Variants in TUBB6 observed in about 807,000 individuals in gnomAD.
The protein encoded by TUBB6 is tubulin beta 6 class V.
A neutral mutation model predicts 32.3 loss-of-function variants in TUBB6; 18 were observed. That is an observed-to-expected ratio of 0.56 (90% CI 0.39 to 0.83). The LOEUF (loss-of-function observed/expected upper bound fraction) is 0.83, where lower values mean the gene tolerates loss of function less well. Ranked by LOEUF, TUBB6 falls within the 40% of genes least tolerant of loss-of-function variation. The probability of loss-of-function intolerance (pLI) is 0.00; values close to 1 mark genes in which losing one functional copy is unlikely to be tolerated. For missense variants in TUBB6, 480 were observed against 632.0 expected (o/e 0.76, Z 2.58); for synonymous variants, 280 against 265.8 (o/e 1.05, Z -0.52).
chr18:12,308,637 C>A, intron 1 of TUBB6, 50 bp from the exon 2 acceptor site: 1 of 1,364,010 alleles, frequency 7.3e-7, no homozygotes, highest in South Asian at 1.2e-5. Context: ...GTGGCGGCGT[C>A]CCGGGCTCTG....
chr18:12,308,727 C>A lies in TUBB6; in HGVS notation c.98C>A (p.Ala33Asp). Reference protein sequence around the residue: ...VISDEHGIDPAGGYVGDSALQ... With the variant: ...VISDEHGIDPDGGYVGDSALQ... The stretch of plus-strand genomic sequence containing the variant: ...AGCGATGAGCACGGCATCGACCCGG[C>A]CGGAGGCTACGTGGGAGACTCGGCG... Residue 33 changes from alanine to aspartate, a missense_variant, in exon 2 of 4, where the codon GCC (alanine) becomes GAC (aspartate). Ala to Asp is a moderately radical substitution (Grantham distance 126). Transcript: ENST00000317702. 6.2e-7 allele frequency: 1 copy of A among 1,613,226 alleles called. No homozygotes were observed.
At chr18:12,311,685 AT>A (rs1412935931) in intron 3 of TUBB6, among the ~76,000 whole-genome samples, 1 of 152,188 alleles carries the variant, frequency 6.6e-6, no homozygotes, top group Non-Finnish European at 1.5e-5. Context: ...TTATTTTGCC[AT>A]TTGTTTTTGG....
At chr18:12,328,497 T>C (rs1480845331), downstream of TUBB6, among the ~76,000 whole-genome samples, 6 of 152,126 alleles carry the variant, frequency 3.9e-5, no homozygotes, top group South Asian at 4.2e-4. Context: ...CAATAGACAA[T>C]AGGAGCAGCT....
downstream of TUBB6, chr18:12,329,567 A>G (rs773545779): frequency 3.2e-5 from 52 of 1,613,818 alleles, no homozygotes; most frequent in Non-Finnish European, 4.3e-5. Flanking sequence ...CTGGGCCTCT[A>G]GTTGGCAACT....
chr18:12,308,680 GC>G lies in TUBB6; in HGVS notation c.58-4del. 6.3e-7 allele frequency: 1 copy of G among 1,596,456 alleles called. No homozygotes were observed. The highest frequency in any genetic ancestry group is 8.6e-7 in the Non-Finnish European group (1 of 1,164,668). On this transcript the variant is annotated splice_region_variant and splice_polypyrimidine_tract_variant and intron_variant, in intron 1 of 3. Transcript: ENST00000317702. ...AGCGTCTGTCCCCCCGCCTTGCCCT[GC>G]CCAAGTTTTGGGAAGTGATCAGCGA...
chr18:12,322,288 A>G (rs1245898450), intron 3 of TUBB6, among the ~76,000 whole-genome samples: 2 of 151,028 alleles, frequency 1.3e-5, no homozygotes, highest in Non-Finnish European at 3.0e-5. Flanking sequence ...ACAGAGTGAG[A>G]CTCCATCTCA....
upstream of TUBB6, chr18:12,307,739 G>T (rs574925122): frequency 6.6e-6 from 1 of 152,072 alleles, no homozygotes; most frequent in African/African-American, 2.4e-5. Flanking sequence ...CTCCGGAGAC[G>T]GAAACACCAG....
chr18:12,317,323 G>C (rs745584315), intron 3 of TUBB6, among the ~76,000 whole-genome samples: 2 of 152,094 alleles, frequency 1.3e-5, no homozygotes, highest in Non-Finnish European at 2.9e-5. Context: ...TTAGCTAGGC[G>C]TGGTGGTGTG....
chr18:12,327,777 T>C (rs948792280), downstream of TUBB6, among the ~76,000 whole-genome samples: 3 of 152,178 alleles, frequency 2.0e-5, no homozygotes, highest in Non-Finnish European at 4.4e-5. Context: ...GTCGGTGCTA[T>C]CTGGCTTTGT....
rs1209764481 is a variant in TUBB6 at position 12,326,243 on chromosome 18, C to T, written c.*113C>T. 9 of 1,416,846 alleles carry T rather than the reference C, an allele frequency of 6.4e-6. No individual in the cohort carries two copies. Among genetic ancestry groups the T allele is most frequent in the South Asian group, 3.0e-5 (2 of 66,624 alleles). 87.8% of individuals were successfully genotyped at this position (1,416,846 alleles called of 1,614,324 possible). The stretch of plus-strand genomic sequence containing the variant: ...TGCACTGGTTTAATTGTGTTGGTGT[C>T]GGCCCCTCACAAATGCAGCCAAGTC... On this transcript the variant is annotated 3_prime_UTR_variant, in exon 4 of 4. Coordinates refer to ENST00000317702, the MANE Select transcript of TUBB6 (RefSeq NM_032525.3).
chr18:12,320,482 G>T (rs909141136), intron 3 of TUBB6: 6 of 152,052 alleles, frequency 3.9e-5, no homozygotes, highest in Non-Finnish European at 8.8e-5. Context: ...ATAGTGAAAA[G>T]TTGATCTCCT....
At chr18:12,315,198 T>C (rs915790139) in intron 3 of TUBB6, among the ~76,000 whole-genome samples, 17 of 152,246 alleles carry the variant, frequency 1.1e-4, no homozygotes, top group Non-Finnish European at 1.5e-5. Context: ...CTAAAATCCA[T>C]AATTTTTAAT....
At chr18:12,327,290 G>C (rs552009838), downstream of TUBB6, among the ~76,000 whole-genome samples, 1 of 152,326 alleles carries the variant, frequency 6.6e-6, no homozygotes, top group East Asian at 1.9e-4. Flanking sequence ...ACCATCCTGG[G>C]CAGAGCCCAC....
downstream of TUBB6, among the ~76,000 whole-genome samples, chr18:12,328,487 C>A (rs1411247229): frequency 2.6e-5 from 4 of 152,312 alleles, no homozygotes; most frequent in Non-Finnish European, 4.4e-5. Context: ...AACTCCCTTT[C>A]AATAGACAAT....
At chr18:12,329,003 A>G, downstream of TUBB6, 1 of 609,184 alleles carries the variant, frequency 1.6e-6, no homozygotes, top group South Asian at 2.0e-5. Flanking sequence ...CCATATTTAC[A>G]TAATACATTC....
chr18:12,320,258 A>G (rs1412698198), intron 3 of TUBB6, among the ~76,000 whole-genome samples: 1 of 75,472 alleles, frequency 1.3e-5, no homozygotes, highest in Non-Finnish European at 3.4e-5. Flanking sequence ...TTCCTTTTTT[A>G]TACTTTAATA....
intron 3 of TUBB6, among the ~76,000 whole-genome samples, chr18:12,323,963 G>A (rs957385968): frequency 6.8e-4 from 104 of 152,344 alleles, no homozygotes; most frequent in African/African-American, 2.4e-3. Context: ...CCTGTGCTTA[G>A]TATTTAATTA....
chr18:12,329,612 G>A (rs200514577), downstream of TUBB6: 86 of 1,614,012 alleles, frequency 5.3e-5, no homozygotes, highest in Non-Finnish European at 6.6e-5. Context: ...TCCTTTTCCC[G>A]CTCCTTGTTC....
chr18:12,326,341 A>T lies in TUBB6; in HGVS notation c.*211A>T, dbSNP rs1139387. 7 of 675,288 alleles carry T rather than the reference A, an allele frequency of 1.0e-5. No homozygotes were observed. The highest frequency in any genetic ancestry group is 1.7e-5 in the Non-Finnish European group (7 of 424,218). 41.8% of individuals were successfully genotyped at this position (675,288 alleles called of 1,614,324 possible). ...GGGTTCTACCCAGTCAGAAGATCAC[A>T]CCATGGAGACTTTCTACTAGAGGAC... On this transcript the variant is annotated 3_prime_UTR_variant, in exon 4 of 4. Transcript: ENST00000317702.
Sources: allele counts gnomAD v4.1 joint callset (sites outside exome capture counted in the v4.1 genomes callset), GRCh38; gene constraint gnomAD v4.1.1; transcripts MANE v1.5; gene names NCBI Gene and HGNC (gene_info 2026-07-23, HGNC 2026-07-21).